CARD19: variants seen among roughly 807,000 people sequenced by gnomAD.
CARD19 encodes the protein caspase recruitment domain-containing protein 19.
CARD19 carries 25 observed loss-of-function variants against 24.1 expected under a neutral mutation model. The ratio of observed to expected loss-of-function variants is 1.04; its 90% CI spans 0.76 to 1.45. The LOEUF (loss-of-function observed/expected upper bound fraction) is 1.45, where lower values mean the gene tolerates loss of function less well. CARD19 is among the 40% of genes most tolerant of loss of function. The pLI, the probability that CARD19 is intolerant of heterozygous loss-of-function variation, is 0.00. For synonymous variants in CARD19, 103 were observed against 104.9 expected (o/e 0.98, Z 0.11); for missense variants, 241 against 247.4 (o/e 0.97, Z 0.17).
At chr9:93,110,994 G>A in intron 3 of CARD19, 2 of 1,498,850 alleles carry the variant, frequency 1.3e-6, no homozygotes, top group South Asian at 1.2e-5. Context: ...CACAGCATGG[G>A]GCATCTTATA....
At chr9:93,112,597 C>G (rs1349643615) in intron 5 of CARD19, among the ~76,000 whole-genome samples, 3 of 152,212 alleles carry the variant, frequency 2.0e-5, no homozygotes, top group Admixed American at 6.5e-5. Context: ...ATGTGGGGCC[C>G]TTGAGCAGGT....
Position 93,096,375 on chromosome 9 carries a change from G to A in CARD19, c.7+23G>A. The A allele has an allele frequency of 8.2e-7, 1 of 1,225,498 alleles. No homozygotes were observed. The highest frequency in any genetic ancestry group is 3.1e-4 in the Middle Eastern group (1 of 3,192). 75.9% of individuals were successfully genotyped at this position (1,225,498 alleles called of 1,614,324 possible). The stretch of plus-strand genomic sequence containing the variant: ...CAGGTGGGCACGGGGTCGGCTGGGC[G>A]GCAGGGATGCGGGCGCCCTGGATGG... On this transcript the variant is annotated intron_variant, in intron 1 of 5. Coordinates refer to ENST00000375464, the MANE Select transcript of CARD19 (RefSeq NM_032310.5). The surrounding 1 kb of genome is among the most constrained non-coding windows in gnomAD (Gnocchi z 5.4).
rs1409640428 is a variant in CARD19 at position 93,096,841 on chromosome 9, T to G, written c.7+489T>G. ...GCGAGGTCGCGGGACAGGCGATGCG[T>G]TCCTCGGCGGCATGTGATTCCTGTG... On this transcript the variant is annotated intron_variant, in intron 1 of 5. Transcript: ENST00000375464. The surrounding 1 kb of genome is among the most constrained non-coding windows in gnomAD (Gnocchi z 5.4). Among the ~76,000 whole-genome samples the G allele has an allele frequency of 6.6e-6, 1 of 152,152 alleles. No individual in the cohort carries two copies. The highest frequency in any genetic ancestry group is 1.5e-5 in the Non-Finnish European group (1 of 67,996).
intron 4 of CARD19, 49 bp downstream of exon 4, chr9:93,111,987 C>G (rs768431830): frequency 5.1e-6 from 8 of 1,576,472 alleles, no homozygotes; most frequent in Middle Eastern, 2.2e-4. Context: ...CTCTCCCTCT[C>G]TCTTTACCCT....
Position 93,096,259 on chromosome 9 carries a change from G to A in CARD19, c.-87G>A. 1 of 1,205,322 alleles carries A rather than the reference G, an allele frequency of 8.3e-7. No homozygotes were observed. Among genetic ancestry groups the A allele is most frequent in the East Asian group, 3.3e-5 (1 of 30,754 alleles). The allele number at this position is 1,205,322 out of a possible 1,614,324, so 74.7% of individuals were successfully genotyped here. A position where few individuals can be genotyped will look rare whatever the true frequency, so the allele number is the denominator to read the frequency against. On this transcript the variant is annotated 5_prime_UTR_variant, in exon 1 of 6. Coordinates refer to ENST00000375464, the MANE Select transcript of CARD19 (RefSeq NM_032310.5). This position sits in a 1 kb window ranked among gnomAD's most constrained non-coding sequence, Gnocchi z 5.4. ...CACGGCCCGCGGGCGGCGTTCGCTG[G>A]AGCTGGTGGACCGGGCGGCTGACCG...
chr9:93,107,960 G>A, intron 2 of CARD19, 144 bp downstream of exon 2: 4 of 1,129,034 alleles, frequency 3.5e-6, no homozygotes, highest in Non-Finnish European at 5.0e-6. Context: ...GACACATCTG[G>A]ACCTGGCTAC....
At chr9:93,108,055 A>G (rs1827330476) in intron 2 of CARD19, among the ~76,000 whole-genome samples, 2 of 152,148 alleles carry the variant, frequency 1.3e-5, no homozygotes, top group Non-Finnish European at 2.9e-5. Context: ...CGGTTTCTTC[A>G]TATGTCATTG....
chr9:93,108,171 GCAGGAGGGAGGGGT>G (rs1827334833), intron 2 of CARD19, among the ~76,000 whole-genome samples: 2 of 152,192 alleles, frequency 1.3e-5, no homozygotes, highest in South Asian at 4.1e-4. Context: ...GAGAAAGAGG[GCAGGAGGGAGGGGT>G]GAGGAGGGAG....
intron 1 of CARD19, among the ~76,000 whole-genome samples, chr9:93,103,328 G>C (rs1016052787): frequency 1.3e-5 from 2 of 152,142 alleles, no homozygotes; most frequent in Non-Finnish European, 2.9e-5. Flanking sequence ...AAAATAATCT[G>C]AGGATGTTCA....
At chr9:93,106,114 ATAT>A (rs1827244344) in intron 1 of CARD19, among the ~76,000 whole-genome samples, 1 of 151,936 alleles carries the variant, frequency 6.6e-6, no homozygotes, top group South Asian at 2.1e-4. Context: ...ATTTTGTCTG[ATAT>A]TAGTATAGTT....
At position 93,096,288 on chromosome 9, in the gene CARD19, G is replaced by A. The variant is rs181987489; in HGVS notation, c.-58G>A. Reference sequence around the variant, plus strand: ...TGGTGGACCGGGCGGCTGACCGAGGGGCGGACGCGCGGCGGGGCAGACCGC... The same window carrying A: ...TGGTGGACCGGGCGGCTGACCGAGGAGCGGACGCGCGGCGGGGCAGACCGC... On this transcript the variant is annotated 5_prime_UTR_variant, in exon 1 of 6. Transcript: ENST00000375464. The surrounding 1 kb of genome is among the most constrained non-coding windows in gnomAD (Gnocchi z 5.4). The A allele has an allele frequency of 0.011, 12,737 of 1,131,568 alleles. 88 individuals are homozygous for A. Among genetic ancestry groups the A allele is most frequent in the Non-Finnish European group, 0.013 (11,405 of 898,916 alleles). The allele number at this position is 1,131,568 out of a possible 1,614,324, so 70.1% of individuals were successfully genotyped here.
chr9:93,111,915 AGAGCGGC>A lies in CARD19; in HGVS notation c.346_352del (p.Gly116Ter), dbSNP rs1827502392. On this transcript the variant is annotated frameshift_variant, in exon 4 of 6. Coordinates refer to ENST00000375464, the MANE Select transcript of CARD19 (RefSeq NM_032310.5). LOFTEE classifies it high-confidence loss of function. ...TGCACAGAGCTAGACTCGGGCAGCC[AGAGCGGC>A]GAGCTGAGTAACAGGGGTAACACCT... The A allele has an allele frequency of 6.2e-7, 1 of 1,611,708 alleles. No homozygotes were observed. Among genetic ancestry groups the A allele is most frequent in the Non-Finnish European group, 8.5e-7 (1 of 1,179,756 alleles).
At chr9:93,111,022 C>T (rs556435740) in intron 3 of CARD19, 1 of 1,448,212 alleles carries the variant, frequency 6.9e-7, no homozygotes, top group South Asian at 1.2e-5. Flanking sequence ...TCTTGCCCTT[C>T]CTTTTCTAAC....
intron 2 of CARD19, chr9:93,110,286 C>T (rs142573923): frequency 4.6e-5 from 20 of 437,892 alleles, no homozygotes; most frequent in Admixed American, 2.8e-4. Flanking sequence ...TGAGCCACCG[C>T]ACCTTGCCAG....
Position 93,110,715 on chromosome 9 carries a change from G to A in CARD19, c.298G>A (p.Ala100Thr), listed in dbSNP as rs1490563971. 1.9e-6 allele frequency: 3 copies of A among 1,610,518 alleles called. No individual in the cohort carries two copies. The highest frequency in any genetic ancestry group is 1.7e-6 in the Non-Finnish European group (2 of 1,179,714). Residue 100 changes from alanine to threonine, a missense_variant, in exon 3 of 6, where the codon GCT becomes ACT. By Grantham distance (58) the Ala-to-Thr change is moderately conservative (BLOSUM62 0). Transcript: ENST00000375464. ...GCACAGCCGCCTGCCCAGCCGCCACGCTCTGCGTAAGTTCCACATCACCAA... is the reference window on the plus strand; with the variant it reads ...GCACAGCCGCCTGCCCAGCCGCCACACTCTGCGTAAGTTCCACATCACCAA... ...PLHSRLPSRH[A>T]LQNSDCTELD...
chr9:93,110,805 T>C, intron 3 of CARD19, 84 bp downstream of exon 3: 1 of 1,542,248 alleles, frequency 6.5e-7, no homozygotes, highest in Non-Finnish European at 8.7e-7. Context: ...ATGGATGTCC[T>C]CCATGACCAC....
chr9:93,110,633 C>T lies in CARD19; in HGVS notation c.216C>T (p.Ser72=), dbSNP rs139276681. ...ACCTCCTGAGCCACCTGCAGCGGAG[C>T]GGTGAGCGGGACTGCCAGGAGTTCT... is the stretch of plus-strand genomic sequence containing the variant. The part of the protein sequence containing the change: ...LCDLLSHLQR[S]GERDCQEFYR... The change falls in exon 3 of 6, where the codon AGC becomes AGT. Residue 72 remains serine (S), a synonymous_variant. Transcript: ENST00000375464. The T allele has an allele frequency of 1.7e-5, 28 of 1,613,778 alleles. No individual in the cohort carries two copies. The highest frequency in any genetic ancestry group is 1.1e-4 in the East Asian group (5 of 44,898).
Position 93,107,769 on chromosome 9 carries a change from C to T in CARD19, c.103C>T (p.Leu35=). The T allele has an allele frequency of 1.9e-6, 3 of 1,614,240 alleles. No homozygotes were observed. Among genetic ancestry groups the T allele is most frequent in the Non-Finnish European group, 2.5e-6 (3 of 1,180,038 alleles). ...GCAGGTGGACAGGATCATCCTCCAG[C>T]TGAACCGTTACTACCCACAGATCCT... ...EQQVDRIILQ[L]NRYYPQILTN... is the part of the protein sequence containing the mutation. Residue 35 remains leucine, a synonymous_variant, in exon 2 of 6, where the codon CTG becomes TTG. Transcript: ENST00000375464.
In CARD19 at chr9:93,108,611, C is replaced by T. The variant is rs530335358; in HGVS notation, c.150+795C>T. 2.5e-4 allele frequency among the ~76,000 whole-genome samples: 38 copies of T among 152,304 alleles called. No individual in the cohort carries two copies. In the South Asian group the frequency reaches 7.9e-3, roughly 32 times the overall value. Reference sequence around the variant, plus strand: ...GGCCCTGCAGCCCTGTGGGCAGCCACGCTCATCACCCCATCTCACAGAGGT... The same window carrying T: ...GGCCCTGCAGCCCTGTGGGCAGCCATGCTCATCACCCCATCTCACAGAGGT... On this transcript the variant is annotated intron_variant, in intron 2 of 5. Transcript: ENST00000375464.
Sources: allele counts gnomAD v4.1 joint callset (sites outside exome capture counted in the v4.1 genomes callset), GRCh38; gene constraint gnomAD v4.1.1; non-coding constraint Gnocchi (gnomAD v3.1); transcripts MANE v1.5; gene names NCBI Gene and HGNC (gene_info 2026-07-23, HGNC 2026-07-21).